Variants in ZRANB3 observed in about 807,000 individuals in gnomAD.
ZRANB3 encodes DNA annealing helicase and endonuclease ZRANB3.
Under a neutral mutation model 133.8 loss-of-function variants are expected in ZRANB3, and 125 were observed. The observed-to-expected ratio is 0.93, with a 90% confidence interval of 0.81 to 1.08. The LOEUF (loss-of-function observed/expected upper bound fraction) is 1.08, where lower values mean the gene tolerates loss of function less well. Among genes scored for constraint, ZRANB3 ranks in the 50% least tolerant of loss-of-function variants. ZRANB3 has a pLI of 0.00. For missense variants in ZRANB3, 1,229 were observed against 1,275.5 expected, an observed-to-expected ratio of 0.96 and a Z score of 0.56; for synonymous variants, 387 against 432.7, an observed-to-expected ratio of 0.89 and a Z score of 1.31.
At chr2:135,305,473 A>G (rs1682635906) in intron 8 of ZRANB3, among the ~76,000 whole-genome samples, 2 of 152,224 alleles carry the variant, frequency 1.3e-5, no homozygotes, top group Non-Finnish European at 2.9e-5. Context: ...GTATCTTTAA[A>G]GTGAATAATT....
At chr2:135,340,220 C>G (rs1188582498) in intron 6 of ZRANB3, among the ~76,000 whole-genome samples, 1 of 151,614 alleles carries the variant, frequency 6.6e-6, no homozygotes, top group Non-Finnish European at 1.5e-5. Flanking sequence ...ATTCTCCTGC[C>G]TCAGCCTCCT....
chr2:135,507,679 T>G (rs1327373000), intron 1 of ZRANB3, among the ~76,000 whole-genome samples: 5 of 151,930 alleles, frequency 3.3e-5, no homozygotes, highest in African/African-American at 1.2e-4. Context: ...TTTTCTTTGC[T>G]GGGTGCAGTG....
chr2:135,257,430 G>A (rs1679715768), intron 12 of ZRANB3, among the ~76,000 whole-genome samples: 1 of 152,176 alleles, frequency 6.6e-6, no homozygotes, highest in Non-Finnish European at 1.5e-5. Flanking sequence ...GTGTGGACAG[G>A]TGTTCTCAAT....
chr2:135,238,957 A>G (rs1013524247), intron 12 of ZRANB3: 1 of 152,170 alleles, frequency 6.6e-6, no homozygotes, highest in Non-Finnish European at 1.5e-5. Context: ...CACAGTCATC[A>G]TGGAGGAGAC....
At chr2:135,236,645 A>G (rs966549901) in intron 12 of ZRANB3, among the ~76,000 whole-genome samples, 7 of 152,200 alleles carry the variant, frequency 4.6e-5, no homozygotes, top group East Asian at 1.9e-4. Context: ...CATATCTACA[A>G]CTATCTGATC....
At chr2:135,458,710 G>A (rs1232646107) in intron 2 of ZRANB3, among the ~76,000 whole-genome samples, 1 of 151,938 alleles carries the variant, frequency 6.6e-6, no homozygotes, top group East Asian at 1.9e-4. Flanking sequence ...TTTATGAGGA[G>A]ACACAGAGAT....
intron 15 of ZRANB3, among the ~76,000 whole-genome samples, chr2:135,220,884 T>C (rs1452073466): frequency 7.2e-6 from 1 of 138,646 alleles, no homozygotes; most frequent in Non-Finnish European, 1.5e-5. Context: ...TGAGACAGAG[T>C]CACACTCTTT....
intron 12 of ZRANB3, among the ~76,000 whole-genome samples, chr2:135,233,954 A>AATACACATAACAGT: frequency 6.6e-6 from 1 of 152,338 alleles, no homozygotes; most frequent in Middle Eastern, 3.4e-3. Flanking sequence ...TAATAACCTT[A>AATACACATAACAGT]AATGTAAATG....
rs550869330 is a variant in ZRANB3 at position 135,227,974 on chromosome 2, C to T, written c.1996G>A (p.Glu666Lys). 9.0e-6 allele frequency: 14 copies of T among 1,551,792 alleles called. No individual in the cohort carries two copies. Among genetic ancestry groups the T allele is most frequent in the Middle Eastern group, 1.7e-4 (1 of 5,994 alleles). Reference sequence around the variant, plus strand: ...GTGTCTTTCTGAGAATCATCCTTCTCGTTTTTATCCTGGATATGGTTGAGG... The same window carrying T: ...GTGTCTTTCTGAGAATCATCCTTCTTGTTTTTATCCTGGATATGGTTGAGG... ...DSLNHIQDKN[E>K]KDDSQKDTSK... The change falls in exon 14 of 21, where the codon GAG (glutamate) becomes AAG (lysine). Residue 666 changes from glutamate (E) to lysine (K), a missense_variant. Coordinates refer to ENST00000264159, the MANE Select transcript of ZRANB3 (RefSeq NM_032143.4).
At chr2:135,517,325 A>T (rs1693741059) in intron 1 of ZRANB3, among the ~76,000 whole-genome samples, 1 of 151,858 alleles carries the variant, frequency 6.6e-6, no homozygotes, top group Non-Finnish European at 1.5e-5. Flanking sequence ...GCTGGCGAGG[A>T]GTGATCCTTT....
intron 12 of ZRANB3, among the ~76,000 whole-genome samples, chr2:135,236,599 C>G (rs1695296098): frequency 1.3e-5 from 2 of 152,106 alleles, no homozygotes; most frequent in South Asian, 4.1e-4. Flanking sequence ...AGATATAGAC[C>G]AATGGGACAG....
chr2:135,504,215 C>G, intron 2 of ZRANB3, 114 bp downstream of exon 2: 1 of 1,260,714 alleles, frequency 7.9e-7, no homozygotes, highest in South Asian at 1.3e-5. Context: ...TGGTCACAAT[C>G]AATTCTACTA....
At chr2:135,491,674 C>T (rs991883203) in intron 2 of ZRANB3, among the ~76,000 whole-genome samples, 8 of 152,142 alleles carry the variant, frequency 5.3e-5, no homozygotes, top group South Asian at 4.2e-4. Flanking sequence ...CCACCAGGCC[C>T]AGCTAATTTT....
intron 6 of ZRANB3, among the ~76,000 whole-genome samples, chr2:135,335,225 G>A (rs971895634): frequency 4.0e-5 from 6 of 151,862 alleles, no homozygotes; most frequent in African/African-American, 1.5e-4. Flanking sequence ...GGTGGAAATG[G>A]TACAAAATAT....
chr2:135,522,661 C>T (rs1389396152), intron 1 of ZRANB3, among the ~76,000 whole-genome samples: 2 of 151,308 alleles, frequency 1.3e-5, no homozygotes, highest in South Asian at 4.2e-4. Flanking sequence ...TTAGCCAGGC[C>T]GAGATCACAC....
chr2:135,331,493 AGAGT>A (rs1476635478), intron 6 of ZRANB3, among the ~76,000 whole-genome samples: 1 of 152,110 alleles, frequency 6.6e-6, no homozygotes, highest in Non-Finnish European at 1.5e-5. Flanking sequence ...GGTCAATATT[AGAGT>A]AAGTGTGATG....
At chr2:135,392,077 CAT>C (rs1434649664) in intron 2 of ZRANB3, among the ~76,000 whole-genome samples, 2 of 151,936 alleles carry the variant, frequency 1.3e-5, no homozygotes, top group African/African-American at 2.4e-5. Context: ...AGACAGCAAA[CAT>C]ATGATAAGGG....
intron 8 of ZRANB3, among the ~76,000 whole-genome samples, chr2:135,276,428 A>G (rs1353867301): frequency 6.6e-6 from 1 of 152,104 alleles, no homozygotes; most frequent in African/African-American, 2.4e-5. Flanking sequence ...GGACATATAG[A>G]ACAATTATGA....
At chr2:135,440,599 C>T (rs911938915) in intron 2 of ZRANB3, among the ~76,000 whole-genome samples, 23 of 152,148 alleles carry the variant, frequency 1.5e-4, no homozygotes, top group African/African-American at 4.3e-4. Flanking sequence ...AGCAAAGAAA[C>T]AGGCACCTCA....
Sources: gnomAD v4.1 joint callset for allele counts (sites outside exome capture counted in the v4.1 genomes callset) on GRCh38, gnomAD v4.1.1 for gene constraint, MANE v1.5 for transcripts, NCBI Gene and HGNC (gene_info 2026-07-23, HGNC 2026-07-21) for gene names.